Variants in MSI2 observed in about 807,000 individuals in gnomAD.
The protein encoded by MSI2 is musashi RNA binding protein 2, also known as RNA-binding protein Musashi homolog 2.
In MSI2, 17 loss-of-function variants were observed where a neutral mutation model predicts 45.6. The observed-to-expected ratio is 0.37, with a 90% confidence interval of 0.26 to 0.56. MSI2 has a LOEUF of 0.56. Ranked by LOEUF, MSI2 falls within the 20% of genes least tolerant of loss-of-function variation. MSI2 has a pLI of 0.77. For synonymous variants in MSI2, 156 were observed against 158.2 expected, an observed-to-expected ratio of 0.99 and a Z score of 0.11; for missense variants, 293 against 444.2, an observed-to-expected ratio of 0.66 and a Z score of 3.06.
At chr17:57,384,128 G>A (rs2083645526) in intron 5 of MSI2, among the ~76,000 whole-genome samples, 1 of 152,214 alleles carries the variant, frequency 6.6e-6, no homozygotes, top group Non-Finnish European at 1.5e-5. Context: ...TATTGTTGCT[G>A]TGGAACAAAT....
At chr17:57,547,291 C>T (rs528151890) in intron 7 of MSI2, among the ~76,000 whole-genome samples, 1 of 152,226 alleles carries the variant, frequency 6.6e-6, no homozygotes, top group South Asian at 2.1e-4. Flanking sequence ...TGGGAACCCT[C>T]AGGAGGAGGT....
At chr17:57,418,373 T>C (rs2084334288) in intron 6 of MSI2, among the ~76,000 whole-genome samples, 1 of 152,234 alleles carries the variant, frequency 6.6e-6, no homozygotes, top group African/African-American at 2.4e-5. Flanking sequence ...TAGGCACATG[T>C]CAGAAAGGTA....
intron 8 of MSI2, among the ~76,000 whole-genome samples, chr17:57,597,466 T>TAAAAAAAAAAAAAAAAAAAA (rs35606406): frequency 6.9e-5 from 6 of 87,136 alleles, no homozygotes; most frequent in Non-Finnish European, 1.0e-4. Flanking sequence ...CCTCATCTCT[T>TAAAAAAAAAAAAAAAAAAAA]AAAAAAAAAA....
At chr17:57,513,999 C>T (rs903251000) in intron 6 of MSI2, among the ~76,000 whole-genome samples, 1 of 152,060 alleles carries the variant, frequency 6.6e-6, no homozygotes, top group Non-Finnish European at 1.5e-5. Flanking sequence ...ATTAAGATTT[C>T]CTTTTATTTA....
At chr17:57,401,517 A>G (rs1184993549) in intron 6 of MSI2, 46 bp downstream of exon 6, 14 of 1,493,700 alleles carry the variant, frequency 9.4e-6, no homozygotes, top group African/African-American at 1.4e-5. Flanking sequence ...AAGTAGCCTC[A>G]TCAGTCCTAA....
At chr17:57,268,905 G>A (rs138112811) in intron 5 of MSI2, among the ~76,000 whole-genome samples, 13 of 152,228 alleles carry the variant, frequency 8.5e-5, no homozygotes, top group African/African-American at 3.1e-4. Context: ...TTTGTACATC[G>A]TGGACTTCCA....
At chr17:57,493,242 C>T (rs1168289460) in intron 6 of MSI2, among the ~76,000 whole-genome samples, 1 of 152,060 alleles carries the variant, frequency 6.6e-6, no homozygotes, top group African/African-American at 2.4e-5. Context: ...GGAATGGGAG[C>T]TTTGGGGCAT....
At chr17:57,327,260 G>A (rs1913874736) in intron 5 of MSI2, among the ~76,000 whole-genome samples, 1 of 152,016 alleles carries the variant, frequency 6.6e-6, no homozygotes, top group Admixed American at 6.5e-5. Flanking sequence ...GGTGACAGAG[G>A]GACACCCCAT....
At chr17:57,377,526 G>C (rs751884564) in intron 5 of MSI2, among the ~76,000 whole-genome samples, 1 of 152,192 alleles carries the variant, frequency 6.6e-6, no homozygotes. Context: ...CCTGTGCTTA[G>C]AGCTTCATGC....
intron 6 of MSI2, among the ~76,000 whole-genome samples, chr17:57,460,697 C>T (rs181824150): frequency 3.7e-4 from 57 of 152,130 alleles, no homozygotes; most frequent in Admixed American, 2.3e-3. Flanking sequence ...TGGAGGTGGG[C>T]AGGGGCAGGT....
intron 11 of MSI2, among the ~76,000 whole-genome samples, chr17:57,672,211 A>G (rs777214733): frequency 6.6e-6 from 1 of 152,342 alleles, no homozygotes; most frequent in Middle Eastern, 3.4e-3. Flanking sequence ...TGAAAGCTGC[A>G]TTCTAATACA....
chr17:57,648,897 C>T (rs554014107), intron 10 of MSI2, among the ~76,000 whole-genome samples: 25 of 152,308 alleles, frequency 1.6e-4, no homozygotes, highest in African/African-American at 6.0e-4. Context: ...AAGACAGTGC[C>T]ACGAGGCCAC....
chr17:57,435,681 G>C (rs970592974), intron 6 of MSI2, among the ~76,000 whole-genome samples: 3 of 151,958 alleles, frequency 2.0e-5, no homozygotes, highest in Non-Finnish European at 1.5e-5. Context: ...GCACACTAAA[G>C]AGACCTCCCC....
chr17:57,654,373 T>C (rs4793558), intron 11 of MSI2, among the ~76,000 whole-genome samples: 124,806 of 152,268 alleles, frequency 0.82, 51,800 homozygotes, highest in African/African-American at 0.93. Context: ...AAAGGAAGCG[T>C]TCTGCCTTTC....
chr17:57,617,806 C>T (rs994608927), intron 9 of MSI2, among the ~76,000 whole-genome samples: 12 of 152,100 alleles, frequency 7.9e-5, no homozygotes, highest in Non-Finnish European at 1.3e-4. Flanking sequence ...CATGGTGGCT[C>T]ATGCCTGTAA....
chr17:57,676,853 G>A, intron 12 of MSI2, 134 bp from the exon 13 acceptor site: 1 of 720,912 alleles, frequency 1.4e-6, no homozygotes. Flanking sequence ...GCCCCTCATG[G>A]CACGGTGTCT....
chr17:57,619,142 C>T (rs1908030391), intron 9 of MSI2, among the ~76,000 whole-genome samples: 1 of 152,210 alleles, frequency 6.6e-6, no homozygotes, highest in African/African-American at 2.4e-5. Flanking sequence ...CTCAGCCTCC[C>T]AGACTCCGAG....
chr17:57,699,691 G>A, the MSI2 span, among the ~76,000 whole-genome samples: 1 of 152,192 alleles, frequency 6.6e-6, no homozygotes, highest in Non-Finnish European at 1.5e-5. Context: ...CAAGTCAAAA[G>A]CAATAGTCCA....
At chr17:57,536,327 T>G (rs535280247) in intron 7 of MSI2, among the ~76,000 whole-genome samples, 50 of 152,152 alleles carry the variant, frequency 3.3e-4, no homozygotes, top group Non-Finnish European at 6.0e-4. Context: ...ACAAAAACGA[T>G]CAGACCCTCT....
Sources: allele counts gnomAD v4.1 joint callset (sites outside exome capture counted in the v4.1 genomes callset), GRCh38; gene constraint gnomAD v4.1.1; transcripts MANE v1.5; gene names NCBI Gene and HGNC (gene_info 2026-07-23, HGNC 2026-07-21).